Variants in NLRP11 observed in about 807,000 individuals in gnomAD.
NLRP11 encodes NLR family pyrin domain containing 11.
NLRP11 carries 53 observed loss-of-function variants against 79.3 expected under a neutral mutation model. That is an observed-to-expected ratio of 0.67 (90% CI 0.54 to 0.84). The LOEUF is 0.84. Among genes scored for constraint, NLRP11 ranks in the 40% least tolerant of loss-of-function variants. NLRP11 has a pLI of 0.00. For missense variants in NLRP11, 1,264 were observed against 1,255.0 expected, an observed-to-expected ratio of 1.01 and a Z score of -0.11; for synonymous variants, 518 against 462.6, an observed-to-expected ratio of 1.12 and a Z score of -1.54.
intron 9 of NLRP11, 132 bp downstream of exon 9, chr19:55,788,675 T>A (rs1299874733): frequency 3.3e-6 from 2 of 611,908 alleles, no homozygotes; most frequent in East Asian, 5.9e-5. Flanking sequence ...GGGAGGCTGA[T>A]GTTGCAATGA....
At chr19:55,785,696 T>G in exon 10 of NLRP11, 1 of 1,614,024 alleles carries the variant, frequency 6.2e-7, no homozygotes, top group Non-Finnish European at 8.5e-7. Context: ...TTGAAAAACA[T>G]GTAATCCAAA....
At position 55,819,670 on chromosome 19, in the gene NLRP11, A is replaced by G. The variant is rs576657988; in HGVS notation, c.-62-1434T>C. On this transcript the variant is annotated intron_variant, in intron 1 of 9. Transcript: ENST00000589093. ...ATAAATAGTCCCTTTGGGGGCGAAA[A>G]AGAAAGTTGGAGAATGGCAGGTATC... Among the ~76,000 whole-genome samples the G allele has an allele frequency of 3.9e-5, 6 of 152,288 alleles. No individual in the cohort carries two copies. The South Asian group carries it at 1.2e-3, about 32-fold the overall frequency.
chr19:55,806,581 C>G (rs11878967), intron 4 of NLRP11, among the ~76,000 whole-genome samples: 23,613 of 152,182 alleles, frequency 0.16, 2,296 homozygotes, highest in African/African-American at 0.27. Context: ...GAAAAAGAGC[C>G]TCCTCTGAGC....
At position 55,817,820 on chromosome 19, in the gene NLRP11, G is replaced by GGAAAAAAA. The variant is rs1555803816; in HGVS notation, c.271+83_271+84insTTTTTTTC. The GGAAAAAAA allele has an allele frequency of 5.1e-4, 425 of 836,538 alleles. 1 individual carries two copies. Among genetic ancestry groups the GGAAAAAAA allele is most frequent in the South Asian group, 1.1e-3 (58 of 52,594 alleles). 51.8% of individuals were successfully genotyped at this position (836,538 alleles called of 1,614,324 possible). ...CACCTGCTTCCCAGAAACCTATTTA[G>GGAAAAAAA]AAAAAAAAAAAAAAAAAGGCCCAAC... On this transcript the variant is annotated intron_variant, in intron 2 of 9. Coordinates refer to ENST00000589093, the Ensembl canonical transcript of NLRP11.
chr19:55,815,009 T>C (rs1980954640), intron 2 of NLRP11, among the ~76,000 whole-genome samples: 1 of 152,108 alleles, frequency 6.6e-6, no homozygotes, highest in Non-Finnish European at 1.5e-5. Flanking sequence ...TATCTGTCAA[T>C]TACATCACAA....
chr19:55,801,515 C>CCAA, intron 5 of NLRP11, 57 bp downstream of exon 5: 1 of 1,453,218 alleles, frequency 6.9e-7, no homozygotes, highest in South Asian at 1.2e-5. Flanking sequence ...CCTCTATCCA[C>CCAA]CAACACCCAG....
intron 4 of NLRP11, 109 bp downstream of exon 4, chr19:55,807,744 T>G (rs1251914913): frequency 4.7e-5 from 33 of 700,090 alleles, no homozygotes; most frequent in South Asian, 7.3e-5. Context: ...TAGGCCCTGA[T>G]GAGCCTGACC....
rs61749974 is a variant in NLRP11 at position 55,792,453 on chromosome 19, G to A, written c.2361C>T (p.Leu787=). ...CAAGGGCGCTGCAGCAATTTTCAGT[G>A]AGACAGCAGAAGACTAACCTGCACA... The change falls in exon 7 of 10, where the codon CTC becomes CTT. Residue 787 remains leucine (L), a synonymous_variant. Coordinates refer to ENST00000589093, the Ensembl canonical transcript of NLRP11. 902 of 1,614,046 alleles carry A rather than the reference G, an allele frequency of 5.6e-4. 4 individuals carry two copies. In the African/African-American group the frequency reaches 0.011, roughly 19 times the overall value.
At chr19:55,822,973 C>T (rs1981931092) in intron 1 of NLRP11, among the ~76,000 whole-genome samples, 1 of 151,950 alleles carries the variant, frequency 6.6e-6, no homozygotes, top group Non-Finnish European at 1.5e-5. Context: ...CACAGACAAA[C>T]AAAAAGACAG....
At chr19:55,786,346 A>G (rs1389725470) in intron 9 of NLRP11, among the ~76,000 whole-genome samples, 1 of 152,070 alleles carries the variant, frequency 6.6e-6, no homozygotes, top group Non-Finnish European at 1.5e-5. Flanking sequence ...CAACATGCCA[A>G]AACCCCATCT....
exon 5 of NLRP11, chr19:55,801,632 T>G: frequency 1.9e-6 from 3 of 1,613,982 alleles, no homozygotes; most frequent in Non-Finnish European, 2.5e-6. Flanking sequence ...TGAAAACATA[T>G]TTAGGGAAAT....
intron 7 of NLRP11, among the ~76,000 whole-genome samples, chr19:55,790,505 G>A (rs1990172171): frequency 6.6e-6 from 1 of 152,128 alleles, no homozygotes; most frequent in Non-Finnish European, 1.5e-5. Context: ...ATCTCCCCCA[G>A]TGCCAATACA....
intron 1 of NLRP11, among the ~76,000 whole-genome samples, chr19:55,822,894 A>G (rs1361151231): frequency 2.0e-5 from 3 of 152,226 alleles, no homozygotes; most frequent in South Asian, 2.1e-4. Context: ...GGAAGCTGGA[A>G]CTGGGGGGAG....
intron 7 of NLRP11, among the ~76,000 whole-genome samples, chr19:55,791,015 G>A (rs893577670): frequency 6.6e-6 from 1 of 152,156 alleles, no homozygotes; most frequent in Admixed American, 6.5e-5. Flanking sequence ...CTACAGCAAG[G>A]TTCAAACTAT....
intron 9 of NLRP11, among the ~76,000 whole-genome samples, chr19:55,787,493 C>T (rs1351821346): frequency 3.3e-5 from 5 of 152,136 alleles, no homozygotes; most frequent in African/African-American, 7.2e-5. Context: ...TGCATCACTA[C>T]GCCCGGCTAA....
At chr19:55,796,827 T>C (rs1453919792) in intron 5 of NLRP11, among the ~76,000 whole-genome samples, 3 of 152,146 alleles carry the variant, frequency 2.0e-5, no homozygotes, top group African/African-American at 7.2e-5. Context: ...TAGCTGGGAT[T>C]ACAGGCATGC....
chr19:55,811,782 T>G (rs11881670), intron 2 of NLRP11, among the ~76,000 whole-genome samples: 2,416 of 152,300 alleles, frequency 0.016, 48 homozygotes, highest in East Asian at 0.074. Context: ...CTTTGGAAGA[T>G]GTCTATTTAG....
Position 55,792,290 on chromosome 19 carries a change from G to A in NLRP11, c.2513+11C>T, listed in dbSNP as rs111792199. 9.0e-5 allele frequency: 145 copies of A among 1,611,510 alleles called. 1 individual carries two copies. The African/African-American group carries it at 1.7e-3, about 18-fold the overall frequency. ...AAACACAGTCATCCAGGACAACTGT[G>A]GGAGACTTACTGAAGCTCCTCTAAC... On this transcript the variant is annotated intron_variant, in intron 7 of 9. Coordinates refer to ENST00000589093, the Ensembl canonical transcript of NLRP11.
intron 3 of NLRP11, among the ~76,000 whole-genome samples, chr19:55,808,403 G>A (rs1980219831): frequency 1.3e-5 from 2 of 152,298 alleles, no homozygotes; most frequent in African/African-American, 4.8e-5. Flanking sequence ...GGTTTGCAAT[G>A]AGGCAATTCT....
Sources: allele counts gnomAD v4.1 joint callset (sites outside exome capture counted in the v4.1 genomes callset), GRCh38; gene constraint gnomAD v4.1.1; transcripts MANE v1.5; gene names NCBI Gene and HGNC (gene_info 2026-07-23, HGNC 2026-07-21).